The following ATXN7L1 variants were observed in gnomAD, a reference collection of about 807,000 sequenced individuals.
ATXN7L1 encodes the protein ataxin 7 like 1.
Under a neutral mutation model 70.8 loss-of-function variants are expected in ATXN7L1, and 15 were observed. That is an observed-to-expected ratio of 0.21 (90% confidence interval 0.14 to 0.33). ATXN7L1 has a LOEUF of 0.33. Ranked by LOEUF, ATXN7L1 falls within the 10% of genes least tolerant of loss-of-function variation. ATXN7L1 has a pLI of 1.00. For missense variants in ATXN7L1, 975 were observed against 1,097.1 expected, an observed-to-expected ratio of 0.89 and a Z score of 1.57; for synonymous variants, 440 against 445.1, an observed-to-expected ratio of 0.99 and a Z score of 0.14.
intron 7 of ATXN7L1, 60 bp from the exon 8 acceptor site, chr7:105,624,327 A>G (rs1001811551): frequency 4.6e-6 from 6 of 1,305,082 alleles, no homozygotes; most frequent in African/African-American, 3.1e-5. Flanking sequence ...TGAGGTAACA[A>G]GATCCACCCA....
intron 3 of ATXN7L1, among the ~76,000 whole-genome samples, chr7:105,665,723 A>G (rs945649953): frequency 6.6e-6 from 1 of 152,214 alleles, no homozygotes; most frequent in Non-Finnish European, 1.5e-5. Context: ...AAACTCTTGA[A>G]CCTGACAATC....
At chr7:105,727,758 AT>A (rs1796028702) in intron 3 of ATXN7L1, among the ~76,000 whole-genome samples, 2 of 88,490 alleles carry the variant, frequency 2.3e-5, no homozygotes, top group Admixed American at 1.3e-4. Context: ...ATATATATAT[AT>A]ATATATATAT....
intron 3 of ATXN7L1, among the ~76,000 whole-genome samples, chr7:105,765,625 CT>C (rs1281998477): frequency 6.6e-6 from 1 of 152,194 alleles, no homozygotes; most frequent in Non-Finnish European, 1.5e-5. Flanking sequence ...GGAAATACTA[CT>C]CTCCCCTAAA....
chr7:105,673,582 T>C (rs1189981981), intron 3 of ATXN7L1, among the ~76,000 whole-genome samples: 1 of 152,246 alleles, frequency 6.6e-6, no homozygotes, highest in East Asian at 1.9e-4. Context: ...TCTGCTTTTG[T>C]AGCTGCAGTC....
intron 2 of ATXN7L1, among the ~76,000 whole-genome samples, chr7:105,853,465 A>T (rs186058958): frequency 1.3e-5 from 2 of 152,278 alleles, no homozygotes; most frequent in Admixed American, 1.3e-4. Flanking sequence ...GAGGCAGGAG[A>T]ATCACTTGAA....
At chr7:105,609,024 G>T (rs1321538145) in intron 11 of ATXN7L1, among the ~76,000 whole-genome samples, 2 of 152,008 alleles carry the variant, frequency 1.3e-5, no homozygotes, top group African/African-American at 2.4e-5. Flanking sequence ...TGTACACACC[G>T]ACTACTCTTA....
Position 105,784,302 on chromosome 7 carries a change from G to A in ATXN7L1, c.355+4302C>T, listed in dbSNP as rs560189150. The stretch of plus-strand genomic sequence containing the variant: ...GTTATTGTCGGAACTGAATTAAATC[G>A]TAGGACACTGAATTGGTACCTGCAG... On this transcript the variant is annotated intron_variant, in intron 3 of 11. Coordinates refer to ENST00000419735, the MANE Select transcript of ATXN7L1 (RefSeq NM_020725.2). Among the ~76,000 whole-genome samples the A allele has an allele frequency of 5.9e-5, 9 of 152,146 alleles. No homozygotes were observed. In the South Asian group the frequency reaches 1.5e-3, roughly 25 times the overall value.
At chr7:105,680,339 G>A (rs563404218) in intron 3 of ATXN7L1, among the ~76,000 whole-genome samples, 41 of 152,330 alleles carry the variant, frequency 2.7e-4, no homozygotes, top group Middle Eastern at 3.4e-3. Context: ...CAAAGCCAGA[G>A]ACAGTGAGTC....
rs190854137 is a variant in ATXN7L1 at position 105,709,912 on chromosome 7, G to A, written c.356-44624C>T. On this transcript the variant is annotated intron_variant, in intron 3 of 11. Coordinates refer to ENST00000419735, the MANE Select transcript of ATXN7L1 (RefSeq NM_020725.2). ...TTTTGATACAGAGTCTCATTCTGTT[G>A]CACAGACTGGAGTGCAGTGGTGCAA... Among the ~76,000 whole-genome samples, 153 of 149,354 alleles carry A rather than the reference G, an allele frequency of 1.0e-3. 1 individual carries two copies. Among genetic ancestry groups the A allele is most frequent in the African/African-American group, 3.6e-3 (147 of 40,372 alleles).
chr7:105,819,357 T>TA (rs562169532), intron 2 of ATXN7L1: 228 of 442,218 alleles, frequency 5.2e-4, no homozygotes, highest in East Asian at 6.4e-4. Context: ...GGTTGGCTAT[T>TA]AAAAAAAAAT....
intron 8 of ATXN7L1, among the ~76,000 whole-genome samples, chr7:105,623,329 G>A (rs1242116838): frequency 6.6e-6 from 1 of 152,148 alleles, no homozygotes; most frequent in Non-Finnish European, 1.5e-5. Flanking sequence ...CTAGGCCCCT[G>A]CATTTGGCTC....
rs1475975778 is a variant in ATXN7L1, at chr7:105,606,208, T to C, written c.*1644A>G. On this transcript the variant is annotated 3_prime_UTR_variant, in exon 12 of 12. Transcript: ENST00000419735. ...TGTCCTGGTACTTAATATCAACTCC[T>C]GATTTTTAAACAAATCATTTTATAT... The C allele has an allele frequency of 6.6e-6, 1 of 152,220 alleles. No individual in the cohort carries two copies. The highest frequency in any genetic ancestry group is 1.5e-5 in the Non-Finnish European group (1 of 68,040). The allele number at this position is 152,220 out of a possible 1,614,324, so 9.4% of individuals were successfully genotyped here. A position where few individuals can be genotyped will look rare whatever the true frequency, so the allele number is the denominator to read the frequency against.
Position 105,633,918 on chromosome 7 carries a change from C to T in ATXN7L1, c.1202+4435G>A, listed in dbSNP as rs1219380935. Among the ~76,000 whole-genome samples the T allele has an allele frequency of 3.9e-5, 6 of 152,140 alleles. No individual in the cohort carries two copies. In the East Asian group the frequency reaches 9.6e-4, roughly 24 times the overall value. ...CAAAGGGAGAAACAGGGACACATGACGGTGTGCTCGTGTGTGCACACACAC... is the reference window on the plus strand; with the variant it reads ...CAAAGGGAGAAACAGGGACACATGATGGTGTGCTCGTGTGTGCACACACAC... On this transcript the variant is annotated intron_variant, in intron 7 of 11. Coordinates refer to ENST00000419735, the MANE Select transcript of ATXN7L1 (RefSeq NM_020725.2).
At chr7:105,831,702 C>A (rs1301279063) in intron 2 of ATXN7L1, among the ~76,000 whole-genome samples, 1 of 152,152 alleles carries the variant, frequency 6.6e-6, no homozygotes, top group African/African-American at 2.4e-5. Context: ...ATTCTGGATG[C>A]TGCTGCAGAG....
intron 2 of ATXN7L1, among the ~76,000 whole-genome samples, chr7:105,842,210 A>C (rs1485558321): frequency 3.4e-5 from 5 of 147,096 alleles, no homozygotes; most frequent in Admixed American, 1.3e-4. Flanking sequence ...TTTTTTTTTG[A>C]AAATTTTTAT....
intron 3 of ATXN7L1, among the ~76,000 whole-genome samples, chr7:105,727,622 T>G (rs558506691): frequency 7.1e-6 from 1 of 141,312 alleles, no homozygotes; most frequent in African/African-American, 2.7e-5. Flanking sequence ...TGAGCCTAGA[T>G]AGTGCCATTG....
chr7:105,628,845 G>T (rs1432665327), intron 7 of ATXN7L1, among the ~76,000 whole-genome samples: 1 of 150,368 alleles, frequency 6.7e-6, no homozygotes, highest in Non-Finnish European at 1.5e-5. Context: ...ATAAAATTGT[G>T]TATATTTAAG....
At chr7:105,850,289 G>GC (rs1315091766) in intron 2 of ATXN7L1, among the ~76,000 whole-genome samples, 1 of 152,220 alleles carries the variant, frequency 6.6e-6, no homozygotes, top group Admixed American at 6.5e-5. Context: ...TGCCTGTCAT[G>GC]CCCCATGGCA....
chr7:105,872,389 C>T (rs1818398996), intron 2 of ATXN7L1, among the ~76,000 whole-genome samples: 1 of 152,130 alleles, frequency 6.6e-6, no homozygotes, highest in African/African-American at 2.4e-5. Flanking sequence ...AGTGGCATTA[C>T]TCAAAATGGC....
Sources: gnomAD v4.1 joint callset for allele counts (sites outside exome capture counted in the v4.1 genomes callset) on GRCh38, gnomAD v4.1.1 for gene constraint, MANE v1.5 for transcripts, NCBI Gene and HGNC (gene_info 2026-07-23, HGNC 2026-07-21) for gene names.